Variants in MSH3 observed in about 807,000 individuals in gnomAD.
MSH3 encodes DNA mismatch repair protein Msh3.
Under a neutral mutation model 123.3 loss-of-function variants are expected in MSH3, and 106 were observed. That is an observed-to-expected ratio of 0.86 (90% CI 0.73 to 1.01). MSH3 has a LOEUF of 1.01. MSH3 is among the 50% of genes least tolerant of loss of function. The pLI, the probability that MSH3 is intolerant of heterozygous loss-of-function variation, is 0.00. For synonymous variants in MSH3, 515 were observed against 481.4 expected, an observed-to-expected ratio of 1.07 and a Z score of -0.91; for missense variants, 1,459 against 1,347.6, an observed-to-expected ratio of 1.08 and a Z score of -1.29.
chr5:80,771,695 A>G (rs1461600336), intron 15 of MSH3, among the ~76,000 whole-genome samples: 1 of 152,212 alleles, frequency 6.6e-6, no homozygotes, highest in Non-Finnish European at 1.5e-5. Context: ...GACCCATTAT[A>G]GCAGCCCCAT....
intron 10 of MSH3, among the ~76,000 whole-genome samples, chr5:80,730,381 G>C (rs1472329001): frequency 6.6e-6 from 1 of 152,160 alleles, no homozygotes; most frequent in East Asian, 1.9e-4. Flanking sequence ...GCAGGGGAGT[G>C]ATAGAAAATT....
chr5:80,723,382 A>G (rs1013605205), intron 8 of MSH3, among the ~76,000 whole-genome samples: 2 of 152,210 alleles, frequency 1.3e-5, no homozygotes, highest in African/African-American at 4.8e-5. Flanking sequence ...AGTGAAAGTA[A>G]CATTATAAAT....
chr5:80,868,144 A>G (rs1746137157), intron 22 of MSH3, among the ~76,000 whole-genome samples: 1 of 152,184 alleles, frequency 6.6e-6, no homozygotes, highest in Non-Finnish European at 1.5e-5. Flanking sequence ...GGTTGTGGAG[A>G]AAAAGGAATG....
intron 22 of MSH3, among the ~76,000 whole-genome samples, chr5:80,865,723 G>C (rs191966775): frequency 2.0e-5 from 3 of 152,110 alleles, no homozygotes; most frequent in African/African-American, 7.2e-5. Flanking sequence ...GTGGTGGTTT[G>C]CGCAATTGGT....
intron 3 of MSH3, among the ~76,000 whole-genome samples, chr5:80,669,763 G>C (rs1347723004): frequency 1.3e-5 from 2 of 151,958 alleles, no homozygotes; most frequent in Non-Finnish European, 2.9e-5. Flanking sequence ...ACACACCTTA[G>C]AATAAATAAT....
Position 80,768,826 on chromosome 5 carries a change from A to AT in MSH3, c.2085-3dup, listed in dbSNP as rs1580034745. ...TTCGAATATGTATTTGCATGTTTTG[A>AT]TTTTTTAGAGTTGGGGATAAAACTG... On this transcript the variant is annotated splice_polypyrimidine_tract_variant and intron_variant, in intron 14 of 23. Transcript: ENST00000265081. 3 of 1,597,624 alleles carry AT rather than the reference A, an allele frequency of 1.9e-6. No homozygotes were observed. Among genetic ancestry groups the AT allele is most frequent in the Non-Finnish European group, 2.6e-6 (3 of 1,166,876 alleles).
chr5:80,869,825 C>CAT (rs372976811), intron 22 of MSH3, among the ~76,000 whole-genome samples: 3 of 86,960 alleles, frequency 3.4e-5, no homozygotes, highest in Non-Finnish European at 4.7e-5. Context: ...TATATATATA[C>CAT]ATATATACAT....
chr5:80,779,828 T>C (rs1744378290), intron 17 of MSH3, among the ~76,000 whole-genome samples: 1 of 152,048 alleles, frequency 6.6e-6, no homozygotes, highest in Non-Finnish European at 1.5e-5. Flanking sequence ...CCTCCCAAAG[T>C]GCTGGGATTA....
intron 8 of MSH3, among the ~76,000 whole-genome samples, chr5:80,707,473 AG>A (rs1750749820): frequency 2.0e-5 from 3 of 152,306 alleles, no homozygotes; most frequent in African/African-American, 7.2e-5. Flanking sequence ...CTATAATCCC[AG>A]CACTTTGGGA....
intron 12 of MSH3, among the ~76,000 whole-genome samples, chr5:80,755,332 C>T (rs1241865511): frequency 6.6e-6 from 1 of 152,168 alleles, no homozygotes; most frequent in Non-Finnish European, 1.5e-5. Context: ...AGCTCTAGAC[C>T]TGCACAAACG....
In MSH3 at chr5:80,856,264, T is replaced by C. The variant is rs141899525; in HGVS notation, c.3000+1948T>C. On this transcript the variant is annotated intron_variant, in intron 21 of 23. Transcript: ENST00000265081. ...TGTTTAAACATTTATTTAGATTACA[T>C]AGGTAATTATAACATTTTGTTTTTT... Among the ~76,000 whole-genome samples, 137 of 152,154 alleles carry C rather than the reference T, an allele frequency of 9.0e-4. 1 individual carries two copies. The South Asian group carries it at 0.017, about 19-fold the overall frequency.
chr5:80,801,002 C>T (rs986523267), intron 19 of MSH3, among the ~76,000 whole-genome samples: 6 of 152,096 alleles, frequency 3.9e-5, no homozygotes, highest in Non-Finnish European at 8.8e-5. Flanking sequence ...GTAGAAAGGC[C>T]TTAAGGCAGG....
rs1353600849 is a variant in MSH3, at chr5:80,725,524, C to A, written c.1412C>A (p.Ala471Glu). ...IYFEYSHAFQ[A>E]VTEFYAKDTV... ...TTTGAATACAGCCATGCTTTCCAGG[C>A]AGTTACAGAGTTTTATGCAAAAGAT... The change falls in exon 9 of 24, where the codon GCA (alanine) becomes GAA (glutamate). Residue 471 changes from alanine (A) to glutamate (E), a missense_variant. Transcript: ENST00000265081. 2 of 1,613,772 alleles carry A rather than the reference C, an allele frequency of 1.2e-6. No homozygotes were observed. Among genetic ancestry groups the A allele is most frequent in the Non-Finnish European group, 1.7e-6 (2 of 1,179,836 alleles).
At chr5:80,724,092 T>G (rs545792499) in intron 8 of MSH3, among the ~76,000 whole-genome samples, 1 of 152,318 alleles carries the variant, frequency 6.6e-6, no homozygotes, top group Admixed American at 6.5e-5. Flanking sequence ...GGGATGTGAT[T>G]AGTGAGGGAT....
chr5:80,781,003 A>C (rs539910760), intron 17 of MSH3, among the ~76,000 whole-genome samples: 1 of 152,340 alleles, frequency 6.6e-6, no homozygotes, highest in Non-Finnish European at 1.5e-5. Context: ...ACAAGCTAGT[A>C]AGTTGGTATC....
chr5:80,812,481 A>G (rs1745024739), intron 19 of MSH3, among the ~76,000 whole-genome samples: 2 of 152,050 alleles, frequency 1.3e-5, no homozygotes, highest in South Asian at 4.2e-4. Context: ...TCAAGTTACC[A>G]AGTAATTGAA....
intron 13 of MSH3, among the ~76,000 whole-genome samples, chr5:80,764,817 C>T (rs1210462531): frequency 6.6e-6 from 1 of 152,176 alleles, no homozygotes; most frequent in Non-Finnish European, 1.5e-5. Flanking sequence ...AGGATAATCG[C>T]ACTTAGCAAA....
chr5:80,806,835 G>A (rs1561484539), intron 19 of MSH3, among the ~76,000 whole-genome samples: 1 of 152,114 alleles, frequency 6.6e-6, no homozygotes, highest in Non-Finnish European at 1.5e-5. Flanking sequence ...TGATACATAT[G>A]TGAACATATG....
At chr5:80,825,621 G>T in intron 20 of MSH3, among the ~76,000 whole-genome samples, 1 of 152,222 alleles carries the variant, frequency 6.6e-6, no homozygotes, top group Admixed American at 6.5e-5. Context: ...TTGTTGGATT[G>T]TAAGGAACAT....
Sources: allele counts gnomAD v4.1 joint callset (sites outside exome capture counted in the v4.1 genomes callset), GRCh38; gene constraint gnomAD v4.1.1; transcripts MANE v1.5; gene names NCBI Gene and HGNC (gene_info 2026-07-23, HGNC 2026-07-21).